Variants in IFT74 observed in about 807,000 individuals in gnomAD.
The protein encoded by IFT74 is intraflagellar transport 74.
Under a neutral mutation model 96.7 loss-of-function variants are expected in IFT74, and 92 were observed. The ratio of observed to expected loss-of-function variants is 0.95; its 90% CI spans 0.80 to 1.13. IFT74 has a LOEUF of 1.13. IFT74 is among the 50% of genes most tolerant of loss of function. The probability of loss-of-function intolerance (pLI) is 0.00; values close to 1 mark genes in which losing one functional copy is unlikely to be tolerated. For missense variants in IFT74, 811 were observed against 698.2 expected (o/e 1.16, Z -1.82); for synonymous variants, 223 against 213.2 (o/e 1.05, Z -0.40).
chr9:26,957,903 C>T (rs1161229287), intron 1 of IFT74, among the ~76,000 whole-genome samples: 1 of 151,926 alleles, frequency 6.6e-6, no homozygotes, highest in African/African-American at 2.4e-5. Flanking sequence ...ACGCCCGCCA[C>T]CACGCCCGGA....
intron 13 of IFT74, chr9:27,036,395 A>C (rs1032620321): frequency 5.0e-6 from 8 of 1,594,572 alleles, no homozygotes; most frequent in Admixed American, 3.6e-5. Flanking sequence ...TCTTTTTACC[A>C]CAGCAATTTT....
At chr9:26,984,162 A>G in intron 4 of IFT74, 95 bp from the exon 5 acceptor site, 1 of 906,368 alleles carries the variant, frequency 1.1e-6, no homozygotes. Context: ...AACTATTTAT[A>G]TTATTATTAC....
intron 19 of IFT74, 99 bp from the exon 20 acceptor site, chr9:27,062,519 G>A: frequency 1.5e-6 from 1 of 655,112 alleles, no homozygotes; most frequent in Non-Finnish European, 2.7e-6. Flanking sequence ...GTGCTTTTTT[G>A]TACCATCTTC....
chr9:27,061,437 A>G (rs1820417854), intron 19 of IFT74, among the ~76,000 whole-genome samples: 1 of 152,086 alleles, frequency 6.6e-6, no homozygotes, highest in African/African-American at 2.4e-5. Flanking sequence ...TCTTCTGATA[A>G]ACATGGCAAG....
chr9:27,018,777 A>G (rs374157411), intron 12 of IFT74, 90 bp downstream of exon 12: 19 of 681,796 alleles, frequency 2.8e-5, no homozygotes, highest in Admixed American at 1.4e-4. Flanking sequence ...CATTCTTTCA[A>G]TTTTACTTAT....
At chr9:26,958,413 C>T (rs547493240) in intron 1 of IFT74, among the ~76,000 whole-genome samples, 1 of 152,246 alleles carries the variant, frequency 6.6e-6, no homozygotes, top group Non-Finnish European at 1.5e-5. Flanking sequence ...GCAAGGGGAC[C>T]ACTTAAGAGG....
chr9:27,046,572 A>G (rs1226082264), intron 14 of IFT74, among the ~76,000 whole-genome samples: 13 of 152,216 alleles, frequency 8.5e-5, no homozygotes, highest in Non-Finnish European at 1.6e-4. Context: ...CATTTAGTTG[A>G]AATGAATCCA....
intron 10 of IFT74, among the ~76,000 whole-genome samples, chr9:27,013,744 T>C (rs1324173932): frequency 6.6e-6 from 1 of 152,172 alleles, no homozygotes; most frequent in Admixed American, 6.5e-5. Context: ...ACTGTCTGTA[T>C]CTCAAATCTT....
At chr9:27,008,291 C>T (rs887543496) in intron 8 of IFT74, among the ~76,000 whole-genome samples, 2 of 152,242 alleles carry the variant, frequency 1.3e-5, no homozygotes, top group South Asian at 2.1e-4. Flanking sequence ...AACTTCTATA[C>T]AGTATTTAAT....
chr9:27,052,824 G>A (rs1013187607), intron 16 of IFT74, among the ~76,000 whole-genome samples: 1 of 151,932 alleles, frequency 6.6e-6, no homozygotes, highest in Non-Finnish European at 1.5e-5. Context: ...ATTCTTGTTC[G>A]CCTTTCAGAT....
upstream of IFT74, chr9:26,955,852 AAAG>A (rs1416033495): frequency 6.6e-5 from 10 of 152,006 alleles, no homozygotes; most frequent in African/African-American, 2.2e-4. Flanking sequence ...AAAAAAAAAA[AAAG>A]GACACTTTCC....
intron 16 of IFT74, 38 bp from the exon 17 acceptor site, chr9:27,055,571 A>G (rs1820123528): frequency 1.4e-6 from 2 of 1,449,822 alleles, no homozygotes; most frequent in Non-Finnish European, 1.9e-6. Flanking sequence ...AAGGAATAAA[A>G]TTTTGATTAA....
At chr9:26,969,291 T>G (rs542679100) in intron 2 of IFT74, among the ~76,000 whole-genome samples, 23 of 152,256 alleles carry the variant, frequency 1.5e-4, no homozygotes, top group Non-Finnish European at 2.6e-4. Context: ...GATTGTTGTA[T>G]CTCTTGCTTA....
chr9:27,035,962 A>G (rs1027032129), intron 13 of IFT74, among the ~76,000 whole-genome samples: 1 of 152,220 alleles, frequency 6.6e-6, no homozygotes, highest in Non-Finnish European at 1.5e-5. Flanking sequence ...CTCCATAAAA[A>G]CTTAATTATC....
intron 19 of IFT74, 63 bp from the exon 20 acceptor site, chr9:27,062,555 T>C (rs1820474721): frequency 1.1e-6 from 1 of 872,284 alleles, no homozygotes. Context: ...AGTATTTAGT[T>C]CCTTTCTCAG....
chr9:27,001,091 A>G (rs1047475352), intron 8 of IFT74, among the ~76,000 whole-genome samples: 1 of 152,126 alleles, frequency 6.6e-6, no homozygotes, highest in African/African-American at 2.4e-5. Context: ...TTCACTTGAC[A>G]TAATGACCTC....
At position 27,005,361 on chromosome 9, in the gene IFT74, G is replaced by GCC. The variant is rs916556296; in HGVS notation, c.588-3654_588-3653dup. 3.2e-4 allele frequency among the ~76,000 whole-genome samples: 8 copies of GCC among 25,314 alleles called. 3 individuals are homozygous for GCC. In the East Asian group the frequency reaches 0.013, roughly 41 times the overall value. The allele number at this position is 25,314 out of a possible 152,430, so 16.6% of individuals were successfully genotyped here. On this transcript the variant is annotated intron_variant, in intron 8 of 19. Coordinates refer to ENST00000380062, the MANE Select transcript of IFT74 (RefSeq NM_025103.4). ...GCTAGATGAAACCATTTCCCCCCCC[G>GCC]CCCCCCGCAAAACAATTACTTAGTA...
intron 13 of IFT74, among the ~76,000 whole-genome samples, chr9:27,038,705 C>A (rs1410381070): frequency 6.6e-6 from 1 of 152,206 alleles, no homozygotes; most frequent in Non-Finnish European, 1.5e-5. Flanking sequence ...CAAGGTTCTG[C>A]TGAAATTCTC....
intron 17 of IFT74, 67 bp downstream of exon 17, chr9:27,055,839 A>G: frequency 9.6e-7 from 1 of 1,038,880 alleles, no homozygotes; most frequent in Non-Finnish European, 1.3e-6. Context: ...AATGTAATAT[A>G]TTTGTGGTTT....
Sources: gnomAD v4.1 joint callset for allele counts (sites outside exome capture counted in the v4.1 genomes callset) on GRCh38, gnomAD v4.1.1 for gene constraint, MANE v1.5 for transcripts, NCBI Gene and HGNC (gene_info 2026-07-23, HGNC 2026-07-21) for gene names.